Variants in EFNA5 observed in about 807,000 individuals in gnomAD.
EFNA5 encodes ephrin A5.
Under a neutral mutation model 22.9 loss-of-function variants are expected in EFNA5, and 5 were observed. That is an observed-to-expected ratio of 0.22 (90% confidence interval 0.11 to 0.46). The LOEUF (loss-of-function observed/expected upper bound fraction) is 0.46. Among genes scored for constraint, EFNA5 ranks in the 20% least tolerant of loss-of-function variants. The pLI is 0.99. For missense variants in EFNA5, 237 were observed against 293.3 expected, an observed-to-expected ratio of 0.81 and a Z score of 1.40; for synonymous variants, 113 against 112.2, an observed-to-expected ratio of 1.01 and a Z score of -0.04.
In EFNA5 at chr5:107,390,329, T is replaced by C. The variant is rs185795978; in HGVS notation, c.419-2558A>G. ...GGCTGACAAATGTAGGATGCCTTTA[T>C]ACCAACTAAAAAATACAGATAATTA... On this transcript the variant is annotated intron_variant, in intron 2 of 4. Transcript: ENST00000333274. Among the ~76,000 whole-genome samples the C allele has an allele frequency of 1.1e-3, 172 of 152,322 alleles. 2 individuals are homozygous for C. The highest frequency in any genetic ancestry group is 2.2e-3 in the Admixed American group (33 of 15,290).
At chr5:107,605,293 T>A (rs1232417505) in intron 1 of EFNA5, among the ~76,000 whole-genome samples, 1 of 152,132 alleles carries the variant, frequency 6.6e-6, no homozygotes, top group Non-Finnish European at 1.5e-5. Flanking sequence ...TCAGCTCTCT[T>A]GACTGTGCAT....
chr5:107,484,232 C>T (rs1750556604), intron 1 of EFNA5, among the ~76,000 whole-genome samples: 1 of 152,202 alleles, frequency 6.6e-6, no homozygotes, highest in African/African-American at 2.4e-5. Flanking sequence ...TCTGCTCTCT[C>T]CCAAGGTTAA....
At chr5:107,483,752 T>C (rs1224030249) in intron 1 of EFNA5, among the ~76,000 whole-genome samples, 1 of 152,230 alleles carries the variant, frequency 6.6e-6, no homozygotes, top group Non-Finnish European at 1.5e-5. Context: ...GATAAATATT[T>C]AGTTGCTAAG....
intron 1 of EFNA5, among the ~76,000 whole-genome samples, chr5:107,565,115 CTCCTT>C (rs1205882351): frequency 6.6e-6 from 1 of 152,152 alleles, no homozygotes; most frequent in Non-Finnish European, 1.5e-5. Flanking sequence ...ATACAATACT[CTCCTT>C]TCCACTGAAA....
At chr5:107,577,066 C>T (rs1244701456) in intron 1 of EFNA5, among the ~76,000 whole-genome samples, 2 of 152,112 alleles carry the variant, frequency 1.3e-5, no homozygotes, top group Non-Finnish European at 2.9e-5. Flanking sequence ...GATCTAGTGG[C>T]CAACTACACC....
intron 1 of EFNA5, among the ~76,000 whole-genome samples, chr5:107,605,368 C>G (rs777952147): frequency 2.0e-5 from 3 of 152,062 alleles, no homozygotes; most frequent in African/African-American, 4.8e-5. Context: ...TGAGGTAAAC[C>G]TTTATTTGAA....
intron 1 of EFNA5, among the ~76,000 whole-genome samples, chr5:107,582,261 G>A (rs1749087634): frequency 6.6e-6 from 1 of 152,060 alleles, no homozygotes; most frequent in South Asian, 2.1e-4. Context: ...GAATATAACA[G>A]GTACTCAAAA....
chr5:107,391,575 G>T (rs10059491), intron 2 of EFNA5, among the ~76,000 whole-genome samples: 2,036 of 152,170 alleles, frequency 0.013, 41 homozygotes, highest in African/African-American at 0.046. Context: ...TTTTCTAATA[G>T]AATTTTTCAA....
chr5:107,491,601 G>A (rs1746808545), intron 1 of EFNA5, among the ~76,000 whole-genome samples: 1 of 151,736 alleles, frequency 6.6e-6, no homozygotes, highest in East Asian at 2.0e-4. Context: ...ATGAGCCACC[G>A]CACCCAGACT....
intron 1 of EFNA5, among the ~76,000 whole-genome samples, chr5:107,623,956 T>C (rs1282055961): frequency 2.6e-5 from 4 of 152,024 alleles, no homozygotes; most frequent in African/African-American, 9.7e-5. Context: ...AAGGTAGAAT[T>C]TTTTTTCCAA....
At chr5:107,562,285 G>A (rs548062267) in intron 1 of EFNA5, among the ~76,000 whole-genome samples, 29 of 152,054 alleles carry the variant, frequency 1.9e-4, no homozygotes, top group South Asian at 4.1e-4. Context: ...AGTGAAGCCC[G>A]CCTTTTTAGA....
intron 1 of EFNA5, among the ~76,000 whole-genome samples, chr5:107,531,557 CAGG>C (rs1382382998): frequency 1.3e-5 from 2 of 152,118 alleles, no homozygotes; most frequent in Non-Finnish European, 2.9e-5. Flanking sequence ...CCCTAGAGAA[CAGG>C]AGGAGGACGA....
At chr5:107,578,698 C>G (rs530976419) in intron 1 of EFNA5, among the ~76,000 whole-genome samples, 1 of 152,162 alleles carries the variant, frequency 6.6e-6, no homozygotes, top group Non-Finnish European at 1.5e-5. Flanking sequence ...GACTTTTGTT[C>G]TCCCCAAACA....
chr5:107,638,263 C>T (rs1750428468), intron 1 of EFNA5, among the ~76,000 whole-genome samples: 2 of 152,114 alleles, frequency 1.3e-5, no homozygotes, highest in Non-Finnish European at 2.9e-5. Flanking sequence ...AGATACAACA[C>T]CGCGTGATCT....
At chr5:107,580,123 A>G (rs1380018246) in intron 1 of EFNA5, among the ~76,000 whole-genome samples, 2 of 152,222 alleles carry the variant, frequency 1.3e-5, no homozygotes, top group East Asian at 1.9e-4. Context: ...ATAGCTGCAC[A>G]CAAATTACAT....
chr5:107,481,515 G>A (rs1400046270), intron 1 of EFNA5, among the ~76,000 whole-genome samples: 1 of 152,198 alleles, frequency 6.6e-6, no homozygotes, highest in Admixed American at 6.5e-5. Context: ...ATGGTTGGCA[G>A]TGAGGATGTC....
chr5:107,512,621 G>C (rs2112435623), intron 1 of EFNA5, among the ~76,000 whole-genome samples: 1 of 152,022 alleles, frequency 6.6e-6, no homozygotes, highest in East Asian at 1.9e-4. Context: ...AGTTTTGCCA[G>C]AGCCAAACAC....
intron 1 of EFNA5, among the ~76,000 whole-genome samples, chr5:107,667,928 T>A (rs951816945): frequency 2.0e-5 from 3 of 152,228 alleles, no homozygotes; most frequent in African/African-American, 7.2e-5. Context: ...CTGTTAGTTT[T>A]TATTTTTAAA....
At chr5:107,533,676 A>C (rs1195943007) in intron 1 of EFNA5, among the ~76,000 whole-genome samples, 1 of 152,170 alleles carries the variant, frequency 6.6e-6, no homozygotes, top group Non-Finnish European at 1.5e-5. Context: ...ATCCATCAAG[A>C]ATTCTCCTAT....
Sources: gnomAD v4.1 joint callset for allele counts (sites outside exome capture counted in the v4.1 genomes callset) on GRCh38, gnomAD v4.1.1 for gene constraint, MANE v1.5 for transcripts, NCBI Gene and HGNC (gene_info 2026-07-23, HGNC 2026-07-21) for gene names.